GABBR2: variants seen among roughly 807,000 people sequenced by gnomAD.
GABBR2 encodes gamma-aminobutyric acid type B receptor subunit 2, also known as G-protein coupled receptor 51.
Under a neutral mutation model 105.6 loss-of-function variants are expected in GABBR2, and 23 were observed. That is an observed-to-expected ratio of 0.22 (90% CI 0.16 to 0.31). GABBR2 has a LOEUF of 0.31. Ranked by LOEUF, GABBR2 falls within the 10% of genes least tolerant of loss-of-function variation. The pLI, the probability that GABBR2 is intolerant of heterozygous loss-of-function variation, is 1.00. For missense variants in GABBR2, 734 were observed against 1,245.5 expected, an observed-to-expected ratio of 0.59 and a Z score of 6.18; for synonymous variants, 478 against 499.7, an observed-to-expected ratio of 0.96 and a Z score of 0.58.
intron 1 of GABBR2, chr9:98,608,039 T>A (rs1829454438): frequency 7.7e-7 from 1 of 1,305,574 alleles, no homozygotes; most frequent in Non-Finnish European, 1.1e-6. Context: ...AGTTAGAGGA[T>A]GAGAAAGCAA....
intron 11 of GABBR2, among the ~76,000 whole-genome samples, chr9:98,380,498 G>A (rs1328850426): frequency 6.6e-6 from 1 of 152,224 alleles, no homozygotes; most frequent in African/African-American, 2.4e-5. Flanking sequence ...GGTCAGCTCA[G>A]CTGCCGGGGT....
intron 1 of GABBR2, among the ~76,000 whole-genome samples, chr9:98,633,599 G>A (rs957490050): frequency 1.4e-5 from 2 of 146,316 alleles, no homozygotes; most frequent in Admixed American, 1.4e-4. Flanking sequence ...ACTCCAGCCT[G>A]GGCAACAAGA....
At chr9:98,619,813 C>G (rs569526335) in intron 1 of GABBR2, among the ~76,000 whole-genome samples, 1 of 152,216 alleles carries the variant, frequency 6.6e-6, no homozygotes, top group South Asian at 2.1e-4. Context: ...TCTGTATGCA[C>G]CTCCATCATG....
intron 6 of GABBR2, among the ~76,000 whole-genome samples, chr9:98,468,750 T>G (rs1331257600): frequency 6.6e-6 from 1 of 152,130 alleles, no homozygotes; most frequent in Non-Finnish European, 1.5e-5. Context: ...TTGCTGAGGT[T>G]GCAGATTAAG....
At chr9:98,298,527 T>C (rs1052051957) in intron 17 of GABBR2, among the ~76,000 whole-genome samples, 3 of 152,230 alleles carry the variant, frequency 2.0e-5, no homozygotes, top group Non-Finnish European at 4.4e-5. Context: ...TTCTAATGCA[T>C]TGCAGGAGAA....
chr9:98,537,378 A>G (rs1828202303), intron 3 of GABBR2, among the ~76,000 whole-genome samples: 2 of 152,238 alleles, frequency 1.3e-5, no homozygotes, highest in Non-Finnish European at 1.5e-5. Flanking sequence ...AACTGACTAC[A>G]AATGGGCACA....
At chr9:98,358,355 A>C (rs1007761655) in intron 13 of GABBR2, among the ~76,000 whole-genome samples, 1 of 152,178 alleles carries the variant, frequency 6.6e-6, no homozygotes, top group African/African-American at 2.4e-5. Flanking sequence ...GTGTCCTCTC[A>C]GCACTTGGTT....
At chr9:98,490,063 A>G (rs908555711) in intron 4 of GABBR2, among the ~76,000 whole-genome samples, 3 of 152,192 alleles carry the variant, frequency 2.0e-5, no homozygotes, top group African/African-American at 7.2e-5. Context: ...ACCGCACTCC[A>G]GCCTGGGCGA....
intron 8 of GABBR2, among the ~76,000 whole-genome samples, chr9:98,397,919 C>A (rs2131513885): frequency 6.6e-6 from 1 of 152,308 alleles, no homozygotes; most frequent in East Asian, 1.9e-4. Context: ...GCTCAGGGTG[C>A]CTCCTGGGTC....
intron 7 of GABBR2, among the ~76,000 whole-genome samples, chr9:98,415,234 T>C (rs1215834921): frequency 6.6e-6 from 1 of 152,190 alleles, no homozygotes; most frequent in Non-Finnish European, 1.5e-5. Context: ...CTATATTCTA[T>C]AATAAATGGG....
chr9:98,599,719 G>A (rs1372756963), intron 1 of GABBR2, among the ~76,000 whole-genome samples: 2 of 152,226 alleles, frequency 1.3e-5, no homozygotes, highest in Admixed American at 6.5e-5. Context: ...GGAGGCTTAG[G>A]TGTAAACTCA....
At chr9:98,328,733 A>C (rs1830969904) in intron 13 of GABBR2, among the ~76,000 whole-genome samples, 1 of 152,202 alleles carries the variant, frequency 6.6e-6, no homozygotes, top group Admixed American at 6.5e-5. Context: ...CTTACTGCAG[A>C]CATACCAATG....
At chr9:98,577,244 T>C (rs533509144) in intron 2 of GABBR2, among the ~76,000 whole-genome samples, 2 of 3,470 alleles carry the variant, frequency 5.8e-4, no homozygotes, top group African/African-American at 2.2e-3. Flanking sequence ...AAAGTAAACA[T>C]GTGTATGGGC....
At chr9:98,337,650 T>C (rs1485572025) in intron 13 of GABBR2, among the ~76,000 whole-genome samples, 1 of 152,192 alleles carries the variant, frequency 6.6e-6, no homozygotes, top group Non-Finnish European at 1.5e-5. Context: ...ATTGGTGGAA[T>C]AGAATTGAGA....
intron 9 of GABBR2, among the ~76,000 whole-genome samples, chr9:98,391,405 C>G (rs1832177879): frequency 6.6e-6 from 1 of 152,150 alleles, no homozygotes; most frequent in Admixed American, 6.5e-5. Flanking sequence ...GATTTGAACT[C>G]AGATCTGCCT....
intron 16 of GABBR2, among the ~76,000 whole-genome samples, chr9:98,301,855 T>C (rs899831621): frequency 1.1e-4 from 16 of 152,162 alleles, no homozygotes; most frequent in African/African-American, 3.6e-4. Flanking sequence ...TGGCAGCTGA[T>C]GGTGGGTTAC....
intron 1 of GABBR2, among the ~76,000 whole-genome samples, chr9:98,598,783 C>G (rs1395001405): frequency 1.3e-5 from 2 of 152,128 alleles, no homozygotes; most frequent in Non-Finnish European, 2.9e-5. Context: ...GAGCATGAAC[C>G]TGGCTACCTA....
In GABBR2 at chr9:98,448,919, T is replaced by TTA. The variant is rs1554707035; in HGVS notation, c.1236+5061_1236+5062insTA. 4.7e-3 allele frequency among the ~76,000 whole-genome samples: 694 copies of TTA among 146,572 alleles called. 9 individuals are homozygous for TTA. The highest frequency in any genetic ancestry group is 0.016 in the African/African-American group (643 of 39,746). ...AAGAGACTGGAAACTGGAAAGAGTT[T>TTA]AAAAAAAAAAAAAAAGATCACCTGA... is the stretch of plus-strand genomic sequence containing the variant. On this transcript the variant is annotated intron_variant, in intron 7 of 18. Coordinates refer to ENST00000259455, the MANE Select transcript of GABBR2 (RefSeq NM_005458.8).
At position 98,424,518 on chromosome 9, in the gene GABBR2, A is replaced by G. The variant is rs933742802; in HGVS notation, c.1237-18377T>C. 2.0e-5 allele frequency among the ~76,000 whole-genome samples: 3 copies of G among 152,136 alleles called. No homozygotes were observed. The South Asian group carries it at 6.2e-4, about 32-fold the overall frequency. On this transcript the variant is annotated intron_variant, in intron 7 of 18. Coordinates refer to ENST00000259455, the MANE Select transcript of GABBR2 (RefSeq NM_005458.8). ...AGGAGAAGGAAATAAAGGGTATTCAATTAGGAAAAGAGGAAGTCAAATTGC... is the reference window on the plus strand; with the variant it reads ...AGGAGAAGGAAATAAAGGGTATTCAGTTAGGAAAAGAGGAAGTCAAATTGC...
Sources: gnomAD v4.1 joint callset for allele counts (sites outside exome capture counted in the v4.1 genomes callset) on GRCh38, gnomAD v4.1.1 for gene constraint, MANE v1.5 for transcripts, NCBI Gene and HGNC (gene_info 2026-07-23, HGNC 2026-07-21) for gene names.